TMEM182: variants seen among roughly 807,000 people sequenced by gnomAD.
TMEM182 encodes transmembrane protein 182.
A neutral mutation model predicts 26.8 loss-of-function variants in TMEM182; 20 were observed. That is an observed-to-expected ratio of 0.75 (90% CI 0.53 to 1.09). TMEM182 has a LOEUF of 1.09. TMEM182 is among the 50% of genes least tolerant of loss of function. The pLI is 0.00. For missense variants in TMEM182, 277 were observed against 275.5 expected, an observed-to-expected ratio of 1.01 and a Z score of -0.04; for synonymous variants, 109 against 102.2, an observed-to-expected ratio of 1.07 and a Z score of -0.40.
At position 102,815,668 on chromosome 2, in the gene TMEM182, A is replaced by G; in HGVS notation, c.*700A>G. On this transcript the variant is annotated 3_prime_UTR_variant, in exon 5 of 5. Transcript: ENST00000412401. ...AGCAAATCTGCATACCAAATTATGT[A>G]TAACGTAGATTGAATTTTTATGAAC... The G allele has an allele frequency of 2.0e-6, 2 of 984,488 alleles. No homozygotes were observed. Among genetic ancestry groups the G allele is most frequent in the Non-Finnish European group, 2.4e-6 (2 of 829,020 alleles). The allele number at this position is 984,488 out of a possible 1,614,324, so 61.0% of individuals were successfully genotyped here. A position where few individuals can be genotyped will look rare whatever the true frequency, so the allele number is the denominator to read the frequency against.
At chr2:102,806,659 TTAATAA>T in intron 4 of TMEM182, among the ~76,000 whole-genome samples, 1 of 151,964 alleles carries the variant, frequency 6.6e-6, no homozygotes, top group African/African-American at 2.4e-5. Context: ...GTGCCAAAGC[TTAATAA>T]TAATAATAAT....
chr2:102,765,244 A>G (rs968710714), intron 3 of TMEM182, among the ~76,000 whole-genome samples: 4 of 152,182 alleles, frequency 2.6e-5, no homozygotes, highest in Non-Finnish European at 5.9e-5. Flanking sequence ...TCTGAAATCT[A>G]CAGGGCAATT....
At chr2:102,784,937 C>G (rs1681326617) in intron 3 of TMEM182, among the ~76,000 whole-genome samples, 2 of 152,176 alleles carry the variant, frequency 1.3e-5, no homozygotes, top group Admixed American at 1.3e-4. Context: ...TTCTGACCTT[C>G]TATCTTGTCC....
chr2:102,762,225 T>TA lies in TMEM182; in HGVS notation c.11dup (p.Asn4LysfsTer32). 6.2e-7 allele frequency: 1 copy of TA among 1,611,778 alleles called. No individual in the cohort carries two copies. The highest frequency in any genetic ancestry group is 8.5e-7 in the Non-Finnish European group (1 of 1,178,614). On this transcript the variant is annotated frameshift_variant, in exon 1 of 5. Transcript: ENST00000412401. LOFTEE classifies it high-confidence loss of function. ...GAAACCAGTGAATTGAAAATGAGAC[T>TA]AAATATCGCTATCTTCTTTGGAGCT...
chr2:102,771,609 A>G (rs558005027), intron 3 of TMEM182, among the ~76,000 whole-genome samples: 124 of 152,236 alleles, frequency 8.1e-4, no homozygotes, highest in African/African-American at 2.9e-3. Context: ...CTTTCTGAAA[A>G]CAAGACCTGT....
At chr2:102,784,015 G>A (rs569773351) in intron 3 of TMEM182, among the ~76,000 whole-genome samples, 2 of 152,060 alleles carry the variant, frequency 1.3e-5, no homozygotes, top group East Asian at 1.9e-4. Context: ...AAACTACGCC[G>A]GACCTGATTC....
At chr2:102,800,826 T>C (rs1244778075) in intron 4 of TMEM182, among the ~76,000 whole-genome samples, 1 of 149,368 alleles carries the variant, frequency 6.7e-6, no homozygotes, top group Non-Finnish European at 1.5e-5. Context: ...TGTGTGTGTG[T>C]GTGTGTGTGT....
rs146015205 is a variant in TMEM182, at chr2:102,747,457, C to T, written c.-83+10444C>T. On this transcript the variant is annotated intron_variant, in intron 1 of 5. Coordinates refer to the TMEM182 transcript ENST00000409173. Reference sequence around the variant, plus strand: ...TATCTCAATATTAATGAGCAAGGAACATGCATATTAAACTCATGTCTAGTC... The same window carrying T: ...TATCTCAATATTAATGAGCAAGGAATATGCATATTAAACTCATGTCTAGTC... Among the ~76,000 whole-genome samples the T allele has an allele frequency of 3.6e-4, 55 of 152,288 alleles. No homozygotes were observed. The East Asian group carries it at 6.7e-3, about 19-fold the overall frequency.
chr2:102,782,714 C>T (rs1487554626), intron 3 of TMEM182, among the ~76,000 whole-genome samples: 1 of 152,094 alleles, frequency 6.6e-6, no homozygotes, highest in South Asian at 2.1e-4. Flanking sequence ...ATTTATGATT[C>T]GTGTTCCTCA....
intron 3 of TMEM182, among the ~76,000 whole-genome samples, chr2:102,784,883 C>G (rs1681323937): frequency 6.6e-6 from 1 of 152,152 alleles, no homozygotes; most frequent in South Asian, 2.1e-4. Flanking sequence ...AGCTTCTTTA[C>G]TGCAACCTGT....
At chr2:102,800,769 C>A (rs978797017) in intron 4 of TMEM182, among the ~76,000 whole-genome samples, 7 of 145,970 alleles carry the variant, frequency 4.8e-5, no homozygotes, top group Non-Finnish European at 7.5e-5. Flanking sequence ...CTGCTTTGAT[C>A]CTGGTTTTCG....
At chr2:102,760,334 T>G (rs1036881751), upstream of TMEM182, among the ~76,000 whole-genome samples, 2 of 152,174 alleles carry the variant, frequency 1.3e-5, no homozygotes, top group African/African-American at 4.8e-5. Flanking sequence ...GGATTGAAAC[T>G]TGTGCTTCAC....
chr2:102,809,882 G>C (rs2104750248), intron 4 of TMEM182, among the ~76,000 whole-genome samples: 2 of 152,294 alleles, frequency 1.3e-5, no homozygotes, highest in Non-Finnish European at 2.9e-5. Context: ...CATAATGAGT[G>C]TTTTGACTGT....
chr2:102,741,363 G>T lies in TMEM182; in HGVS notation c.-83+4350G>T, dbSNP rs189994417. 1.6e-3 allele frequency among the ~76,000 whole-genome samples: 244 copies of T among 152,236 alleles called. 1 individual carries two copies. Among genetic ancestry groups the T allele is most frequent in the Admixed American group, 3.3e-3 (50 of 15,286 alleles). ...ATGTTACGTACAGAAGATCCACCAG[G>T]TTCTTATGTTGAAGATCTGAGAAAA... On this transcript the variant is annotated intron_variant, in intron 1 of 5. Transcript: ENST00000409173.
At position 102,816,239 on chromosome 2, in the gene TMEM182, G is replaced by A. The variant is rs775080542; in HGVS notation, c.*1271G>A. On this transcript the variant is annotated 3_prime_UTR_variant, in exon 5 of 5. Coordinates refer to ENST00000412401, the MANE Select transcript of TMEM182 (RefSeq NM_144632.5). The stretch of plus-strand genomic sequence containing the variant: ...ATCGCAGGGGAGCTCGGCAGGGTAT[G>A]TGAGCTTTGTTGGAGGTGCGGTGTT... 1 of 985,300 alleles carries A rather than the reference G, an allele frequency of 1.0e-6. No individual in the cohort carries two copies. The allele number at this position is 985,300 out of a possible 1,614,324, so 61.0% of individuals were successfully genotyped here. A position where few individuals can be genotyped will look rare whatever the true frequency, so the allele number is the denominator to read the frequency against.
intron 3 of TMEM182, among the ~76,000 whole-genome samples, chr2:102,773,596 G>A (rs1680775684): frequency 2.0e-5 from 3 of 151,772 alleles, no homozygotes; most frequent in Admixed American, 1.3e-4. Flanking sequence ...GGTCACAGAG[G>A]CAACTGGGGA....
At chr2:102,763,996 T>C (rs1385964957) in intron 2 of TMEM182, among the ~76,000 whole-genome samples, 1 of 152,218 alleles carries the variant, frequency 6.6e-6, no homozygotes, top group Non-Finnish European at 1.5e-5. Context: ...CCCTACTGTG[T>C]GCTAGACACT....
At chr2:102,802,585 G>A (rs182092192) in intron 4 of TMEM182, among the ~76,000 whole-genome samples, 15 of 152,294 alleles carry the variant, frequency 9.8e-5, no homozygotes, top group East Asian at 1.9e-4. Flanking sequence ...GGGTTGTCAC[G>A]CATCTCCTCC....
intron 3 of TMEM182, among the ~76,000 whole-genome samples, chr2:102,793,905 A>G (rs1681752451): frequency 6.6e-6 from 1 of 152,108 alleles, no homozygotes; most frequent in Non-Finnish European, 1.5e-5. Context: ...CAATCTTGAT[A>G]ATAATAGCAA....
Sources: gnomAD v4.1 joint callset for allele counts (sites outside exome capture counted in the v4.1 genomes callset) on GRCh38, gnomAD v4.1.1 for gene constraint, MANE v1.5 for transcripts, NCBI Gene and HGNC (gene_info 2026-07-23, HGNC 2026-07-21) for gene names.